The following ERBB4 variants were observed in gnomAD, a reference collection of about 807,000 sequenced individuals.
ERBB4 encodes the protein erb-b2 receptor tyrosine kinase 4.
In ERBB4, 42 loss-of-function variants were observed where a neutral mutation model predicts 158.0. The observed-to-expected ratio is 0.27, with a 90% CI of 0.21 to 0.34. ERBB4 has a LOEUF of 0.34. ERBB4 is among the 10% of genes least tolerant of loss of function. The pLI is 1.00. For missense variants in ERBB4, 1,333 were observed against 1,624.1 expected (o/e 0.82, Z 3.08); for synonymous variants, 583 against 558.7 (o/e 1.04, Z -0.61).
chr2:211,952,143 C>T (rs1290149939), intron 2 of ERBB4, among the ~76,000 whole-genome samples: 3 of 151,918 alleles, frequency 2.0e-5, no homozygotes, highest in Non-Finnish European at 4.4e-5. Context: ...CTAAAAGAAA[C>T]ACATCATGCC....
chr2:211,787,247 T>G (rs2076186456), intron 4 of ERBB4, among the ~76,000 whole-genome samples: 2 of 152,186 alleles, frequency 1.3e-5, no homozygotes, highest in Non-Finnish European at 2.9e-5. Flanking sequence ...AAAATTCTGT[T>G]TTCATACAAA....
intron 2 of ERBB4, among the ~76,000 whole-genome samples, chr2:212,114,353 C>T (rs952220229): frequency 1.3e-5 from 2 of 151,922 alleles, no homozygotes; most frequent in Admixed American, 6.6e-5. Flanking sequence ...AATCTGAGAA[C>T]GAGAGAAAGG....
chr2:211,848,043 C>T (rs1575240322), intron 3 of ERBB4, among the ~76,000 whole-genome samples: 1 of 152,204 alleles, frequency 6.6e-6, no homozygotes, highest in East Asian at 1.9e-4. Context: ...CTTAAGACCC[C>T]ATGTTCCTAA....
At chr2:212,241,954 A>C (rs1166371034) in intron 1 of ERBB4, among the ~76,000 whole-genome samples, 1 of 151,906 alleles carries the variant, frequency 6.6e-6, no homozygotes. Context: ...GTCCACTAGA[A>C]ATAGGAGTCA....
intron 3 of ERBB4, among the ~76,000 whole-genome samples, chr2:211,882,731 T>C (rs2078696606): frequency 6.6e-6 from 1 of 152,238 alleles, no homozygotes; most frequent in Admixed American, 6.5e-5. Flanking sequence ...TAAAATTGTT[T>C]AAGTATAGCC....
chr2:212,012,768 C>A (rs1401868582), intron 2 of ERBB4, among the ~76,000 whole-genome samples: 2 of 151,902 alleles, frequency 1.3e-5, no homozygotes, highest in Non-Finnish European at 2.9e-5. Flanking sequence ...TTTTTTAAGA[C>A]AGGTCTTTCT....
intron 1 of ERBB4, among the ~76,000 whole-genome samples, chr2:212,216,788 T>C (rs1029948618): frequency 6.6e-6 from 1 of 151,304 alleles, no homozygotes; most frequent in Non-Finnish European, 1.5e-5. Context: ...CTCACTCAGA[T>C]ATGGCCCACA....
In ERBB4 at chr2:212,446,591, GTATATATATATATA is replaced by G. The variant is rs71057412; in HGVS notation, c.82+91844_82+91857del. On this transcript the variant is annotated intron_variant, in intron 1 of 27. Transcript: ENST00000342788. ...TTAATAAACTCCCATATATATATAT[GTATATATATATATA>G]TATATATATATATATATATATATAT... 0.017 allele frequency among the ~76,000 whole-genome samples: 470 copies of G among 27,504 alleles called. 55 individuals are homozygous for G. The East Asian group carries it at 0.36, about 21-fold the overall frequency. 18.0% of individuals were successfully genotyped at this position (27,504 alleles called of 152,430 possible). A position where few individuals can be genotyped will look rare whatever the true frequency, so the allele number is the denominator to read the frequency against.
At chr2:211,774,791 A>G (rs2075830469) in intron 4 of ERBB4, among the ~76,000 whole-genome samples, 1 of 152,140 alleles carries the variant, frequency 6.6e-6, no homozygotes, top group African/African-American at 2.4e-5. Flanking sequence ...GGTGCTTATT[A>G]TATCGTTTAT....
chr2:211,846,088 T>C (rs2077582470), intron 3 of ERBB4, among the ~76,000 whole-genome samples: 2 of 150,976 alleles, frequency 1.3e-5, no homozygotes, highest in East Asian at 3.9e-4. Flanking sequence ...ATCATTCATG[T>C]TGTCCACTCT....
At chr2:211,924,159 G>A (rs2079952666) in intron 3 of ERBB4, among the ~76,000 whole-genome samples, 1 of 152,130 alleles carries the variant, frequency 6.6e-6, no homozygotes, top group African/African-American at 2.4e-5. Context: ...GTCCTCTAAA[G>A]CCCTGTGGCA....
chr2:212,437,209 T>C (rs959011842), intron 1 of ERBB4, among the ~76,000 whole-genome samples: 6 of 151,998 alleles, frequency 3.9e-5, no homozygotes, highest in Non-Finnish European at 8.8e-5. Context: ...CCTAAATAAG[T>C]TTGGCTTAGA....
Position 211,559,241 on chromosome 2 carries a change from A to C in ERBB4, c.2487+2662T>G, listed in dbSNP as rs553309886. The stretch of plus-strand genomic sequence containing the variant: ...TTCTCCTTATTGGCATTGCCTCCAG[A>C]CTCCTAATTAGTATCTTCATTTTCA... On this transcript the variant is annotated intron_variant, in intron 20 of 27. Transcript: ENST00000342788. Among the ~76,000 whole-genome samples the C allele has an allele frequency of 4.6e-5, 7 of 152,074 alleles. No individual in the cohort carries two copies. The South Asian group carries it at 1.2e-3, about 27-fold the overall frequency.
chr2:211,586,666 G>A (rs1408288207), intron 19 of ERBB4, among the ~76,000 whole-genome samples: 2 of 152,256 alleles, frequency 1.3e-5, no homozygotes, highest in African/African-American at 2.4e-5. Flanking sequence ...CTGGAGGATT[G>A]TTTTTGAGTC....
intron 20 of ERBB4, among the ~76,000 whole-genome samples, chr2:211,531,255 GC>G (rs953576840): frequency 2.0e-5 from 3 of 152,092 alleles, no homozygotes; most frequent in Non-Finnish European, 4.4e-5. Context: ...ACTGGAGTGG[GC>G]AGAGATTTAT....
chr2:211,699,912 A>G (rs1277753119), intron 12 of ERBB4, among the ~76,000 whole-genome samples: 2 of 152,022 alleles, frequency 1.3e-5, no homozygotes, highest in African/African-American at 4.8e-5. Context: ...GCTTCCCTAC[A>G]TTTATTTTTT....
intron 1 of ERBB4, among the ~76,000 whole-genome samples, chr2:212,476,128 T>C (rs13405760): frequency 0.11 from 16,147 of 148,362 alleles, 2,384 homozygotes; most frequent in African/African-American, 0.34. Flanking sequence ...CAAACACACA[T>C]ACATACTCTC....
intron 1 of ERBB4, among the ~76,000 whole-genome samples, chr2:212,325,923 T>C (rs1024863295): frequency 6.6e-6 from 1 of 150,508 alleles, no homozygotes; most frequent in Admixed American, 6.6e-5. Context: ...GTCTAAGTAT[T>C]TGGCAAAAAA....
intron 20 of ERBB4, 180 bp downstream of exon 20, chr2:211,561,723 A>C (rs1401326890): frequency 7.9e-6 from 5 of 628,950 alleles, no homozygotes; most frequent in Non-Finnish European, 1.4e-5. Flanking sequence ...AAAAATATAT[A>C]TCACGCATTT....
Sources: gnomAD v4.1 joint callset for allele counts (sites outside exome capture counted in the v4.1 genomes callset) on GRCh38, gnomAD v4.1.1 for gene constraint, MANE v1.5 for transcripts, NCBI Gene and HGNC (gene_info 2026-07-23, HGNC 2026-07-21) for gene names.